Variants in GOLGA8A observed in about 807,000 individuals in gnomAD.
GOLGA8A encodes the protein golgin subfamily A member 8A.
A neutral mutation model predicts 22.1 loss-of-function variants in GOLGA8A; 3 were observed. The ratio of observed to expected loss-of-function variants is 0.14; its 90% CI spans 0.06 to 0.35. GOLGA8A has a LOEUF of 0.35. GOLGA8A is among the 10% of genes least tolerant of loss of function. The pLI is 1.00. For missense variants in GOLGA8A, 16 were observed against 233.2 expected, an observed-to-expected ratio of 0.07 and a Z score of 6.07; for synonymous variants, 7 against 91.7, an observed-to-expected ratio of 0.08 and a Z score of 5.28.
intron 2 of GOLGA8A, among the ~76,000 whole-genome samples, chr15:34,433,743 TA>T (rs1174647081): frequency 6.7e-6 from 1 of 149,654 alleles, no homozygotes; most frequent in Non-Finnish European, 1.5e-5. Flanking sequence ...GGCACTTTTC[TA>T]GCTACTGGGG....
chr15:34,425,388 TAA>T (rs72034325), intron 2 of GOLGA8A, among the ~76,000 whole-genome samples: 11,787 of 128,912 alleles, frequency 0.091, 974 homozygotes, highest in South Asian at 0.24. Flanking sequence ...TGGAATCCTA[TAA>T]AAAAAAAAAA....
chr15:34,429,531 G>C lies in GOLGA8A; in HGVS notation c.-1123+5852C>G, dbSNP rs76257626. 1.7e-4 allele frequency among the ~76,000 whole-genome samples: 25 copies of C among 148,670 alleles called. 3 individuals are homozygous for C. The South Asian group carries it at 4.1e-3, about 25-fold the overall frequency. On this transcript the variant is annotated intron_variant, in intron 2 of 24. Transcript: ENST00000359187. ...GGTCCATGATCCACCCCAACCTACC[G>C]TGGGGCTCTCACATCTTCCAGACTG...
At chr15:34,403,968 C>CTAA (rs1471363315) in intron 5 of GOLGA8A, among the ~76,000 whole-genome samples, 5 of 18,274 alleles carry the variant, frequency 2.7e-4, no homozygotes, top group African/African-American at 1.1e-3. Context: ...GTAAATAGCT[C>CTAA]TAATACAAGG....
chr15:34,430,146 A>C (rs74194279), intron 2 of GOLGA8A, among the ~76,000 whole-genome samples: 13,808 of 148,826 alleles, frequency 0.093, 1,657 homozygotes, highest in South Asian at 0.24. Context: ...CCATTACTTA[A>C]TAAAATGCAG....
chr15:34,431,475 T>C lies in GOLGA8A; in HGVS notation c.-1123+3908A>G, dbSNP rs1378901931. ...AATTTATCATTAGGCAATTTCATCA[T>C]TGTGAGAACATCATAGAACATACGT... On this transcript the variant is annotated intron_variant, in intron 2 of 24. Transcript: ENST00000359187. 6.8e-5 allele frequency among the ~76,000 whole-genome samples: 10 copies of C among 147,646 alleles called. No individual in the cohort carries two copies. In the East Asian group the frequency reaches 1.6e-3, roughly 23 times the overall value.
intron 2 of GOLGA8A, among the ~76,000 whole-genome samples, chr15:34,428,197 G>A (rs1288135398): frequency 2.0e-5 from 3 of 146,436 alleles, no homozygotes; most frequent in Non-Finnish European, 4.5e-5. Flanking sequence ...GGGCTTAAGC[G>A]ATCCTCCCAC....
At position 34,380,160 on chromosome 15, in the gene GOLGA8A, A is replaced by G. The variant is rs540085560; in HGVS notation, c.*1251T>C. On this transcript the variant is annotated 3_prime_UTR_variant, in exon 25 of 25. Coordinates refer to ENST00000359187, the MANE Select transcript of GOLGA8A (RefSeq NM_181077.5). Reference sequence around the variant, plus strand: ...ATAATAATGTTTGTTATTACTTTCTAAAGTGTTTTCCACTCAAGGAAAAGA... The same window carrying G: ...ATAATAATGTTTGTTATTACTTTCTGAAGTGTTTTCCACTCAAGGAAAAGA... 9 of 152,404 alleles carry G rather than the reference A, an allele frequency of 5.9e-5. No individual in the cohort carries two copies. Among genetic ancestry groups the G allele is most frequent in the South Asian group, 4.1e-4 (2 of 4,832 alleles). The allele number at this position is 152,404 out of a possible 1,614,324, so 9.4% of individuals were successfully genotyped here.
intron 2 of GOLGA8A, among the ~76,000 whole-genome samples, chr15:34,431,831 A>T (rs1247468823): frequency 6.7e-6 from 1 of 148,724 alleles, no homozygotes; most frequent in Non-Finnish European, 1.5e-5. Flanking sequence ...TAACTGCACT[A>T]CAACTTTACC....
chr15:34,420,231 G>A (rs79864912), intron 2 of GOLGA8A: 5 of 145,952 alleles, frequency 3.4e-5, no homozygotes, highest in African/African-American at 1.0e-4. Flanking sequence ...CCTCCATCGG[G>A]TAACCACGAG....
In GOLGA8A at chr15:34,419,036, C is replaced by A. The variant is rs901746555; in HGVS notation, c.-1122-11301G>T. Reference sequence around the variant, plus strand: ...TCTGTGGCCTCAGCCTCCCTAGTAGCAGGGATTACAGGCGTCCGCCACCAC... The same window carrying A: ...TCTGTGGCCTCAGCCTCCCTAGTAGAAGGGATTACAGGCGTCCGCCACCAC... On this transcript the variant is annotated intron_variant, in intron 2 of 24. Transcript: ENST00000359187. The A allele has an allele frequency of 7.5e-4, 106 of 140,942 alleles. 5 individuals are homozygous for A. The highest frequency in any genetic ancestry group is 2.8e-3 in the African/African-American group (105 of 38,156). The allele number at this position is 140,942 out of a possible 1,614,324, so 8.7% of individuals were successfully genotyped here. A position where few individuals can be genotyped will look rare whatever the true frequency, so the allele number is the denominator to read the frequency against.
At chr15:34,433,712 C>T (rs1469995682) in intron 2 of GOLGA8A, among the ~76,000 whole-genome samples, 1 of 149,470 alleles carries the variant, frequency 6.7e-6, no homozygotes, top group Non-Finnish European at 1.5e-5. Context: ...AACAACAGCA[C>T]TAAGGCTCTG....
At chr15:34,427,207 TGTAGTCCCA>T (rs1284915310) in intron 2 of GOLGA8A, among the ~76,000 whole-genome samples, 4 of 146,338 alleles carry the variant, frequency 2.7e-5, no homozygotes, top group African/African-American at 1.0e-4. Flanking sequence ...GGCGGGCGCC[TGTAGTCCCA>T]GCTACTCGGG....
rs866758455 is a variant in GOLGA8A, at chr15:34,386,537, G to A, written c.285+88C>T. The A allele has an allele frequency of 2.8e-5, 38 of 1,363,588 alleles. 2 individuals carry two copies. The African/African-American group carries it at 3.9e-4, about 14-fold the overall frequency. 84.5% of individuals were successfully genotyped at this position (1,363,588 alleles called of 1,614,324 possible). A position where few individuals can be genotyped will look rare whatever the true frequency, so the allele number is the denominator to read the frequency against. On this transcript the variant is annotated intron_variant, in intron 12 of 24. Coordinates refer to ENST00000359187, the MANE Select transcript of GOLGA8A (RefSeq NM_181077.5). The stretch of plus-strand genomic sequence containing the variant: ...TCCCTATCTGCCCTTGGCACCAGGG[G>A]CCCCCAGCCCCCTTCTTCAGGGCCC...
In GOLGA8A at chr15:34,381,249, T is replaced by G. The variant is rs1471477362; in HGVS notation, c.*162A>C. ...TGAGAGCCACAGAGACCCACTCTCT[T>G]TTAACTTTTTACAAATAAACTTAAA... is the stretch of plus-strand genomic sequence containing the variant. On this transcript the variant is annotated 3_prime_UTR_variant, in exon 25 of 25. Transcript: ENST00000359187. The G allele has an allele frequency of 1.8e-6, 2 of 1,103,720 alleles. No individual in the cohort carries two copies. The highest frequency in any genetic ancestry group is 3.0e-5 in the African/African-American group (2 of 65,594). The allele number at this position is 1,103,720 out of a possible 1,614,324, so 68.4% of individuals were successfully genotyped here.
intron 2 of GOLGA8A, among the ~76,000 whole-genome samples, chr15:34,425,388 TAAAA>T (rs72034325): frequency 7.7e-6 from 1 of 129,284 alleles, no homozygotes; most frequent in Non-Finnish European, 1.7e-5. Context: ...TGGAATCCTA[TAAAA>T]AAAAAAAAAC....
intron 1 of GOLGA8A, among the ~76,000 whole-genome samples, chr15:34,436,977 G>A (rs2554779): frequency 0.55 from 81,644 of 148,624 alleles, 26,824 homozygotes; most frequent in Non-Finnish European, 0.66. Flanking sequence ...GTTGCCGCCC[G>A]GCACGGGGAC....
At chr15:34,431,014 CTG>C (rs1386602054) in intron 2 of GOLGA8A, among the ~76,000 whole-genome samples, 6 of 148,566 alleles carry the variant, frequency 4.0e-5, no homozygotes, top group East Asian at 2.0e-4. Flanking sequence ...GAAACAGAAA[CTG>C]TGTTTTAATT....
intron 2 of GOLGA8A, chr15:34,428,990 A>T (rs1443559830): frequency 6.8e-6 from 1 of 147,426 alleles, no homozygotes; most frequent in Non-Finnish European, 1.5e-5. Context: ...TACAGAACCC[A>T]GTGGGGAGTG....
At chr15:34,427,159 C>T (rs1007275879) in intron 2 of GOLGA8A, among the ~76,000 whole-genome samples, 4 of 145,660 alleles carry the variant, frequency 2.7e-5, no homozygotes, top group Non-Finnish European at 6.1e-5. Context: ...GGTGAAACCT[C>T]GTCTGTACTA....
Sources: gnomAD v4.1 joint callset for allele counts (sites outside exome capture counted in the v4.1 genomes callset) on GRCh38, gnomAD v4.1.1 for gene constraint, MANE v1.5 for transcripts, NCBI Gene and HGNC (gene_info 2026-07-23, HGNC 2026-07-21) for gene names.